Variants in PTPRD observed in about 807,000 individuals in gnomAD.
PTPRD encodes the protein protein tyrosine phosphatase receptor type D.
A neutral mutation model predicts 214.5 loss-of-function variants in PTPRD; 34 were observed. That is an observed-to-expected ratio of 0.16 (90% CI 0.12 to 0.21). The LOEUF is 0.21. PTPRD is among the 10% of genes least tolerant of loss of function. PTPRD has a pLI of 1.00. For synonymous variants in PTPRD, 1,128 were observed against 845.7 expected (o/e 1.33, Z -5.79); for missense variants, 2,545 against 2,398.7 (o/e 1.06, Z -1.27).
At chr9:9,806,447 C>T (rs145294888) in intron 5 of PTPRD, among the ~76,000 whole-genome samples, 3 of 151,934 alleles carry the variant, frequency 2.0e-5, no homozygotes, top group African/African-American at 4.8e-5. Flanking sequence ...CATTCCTCCC[C>T]GCTCTTGTGA....
chr9:9,593,078 A>G (rs2092907283), intron 7 of PTPRD, among the ~76,000 whole-genome samples: 1 of 151,510 alleles, frequency 6.6e-6, no homozygotes, highest in African/African-American at 2.4e-5. Context: ...GAAAAAAAGA[A>G]AGAGAGAGAG....
At chr9:10,093,407 C>G (rs1049296935) in intron 3 of PTPRD, among the ~76,000 whole-genome samples, 7 of 151,382 alleles carry the variant, frequency 4.6e-5, no homozygotes, top group Non-Finnish European at 8.9e-5. Context: ...GTTTCTTATA[C>G]TACCAGTCAG....
intron 2 of PTPRD, among the ~76,000 whole-genome samples, chr9:10,610,406 G>A (rs115936620): frequency 6.6e-6 from 1 of 152,238 alleles, no homozygotes; most frequent in African/African-American, 2.4e-5. Flanking sequence ...CTTCTCTACT[G>A]TGTAAAATAT....
At chr9:10,434,087 C>A (rs952321223) in intron 2 of PTPRD, among the ~76,000 whole-genome samples, 1 of 151,826 alleles carries the variant, frequency 6.6e-6, no homozygotes, top group Non-Finnish European at 1.5e-5. Context: ...CATCTTAATG[C>A]CCTTGACTAC....
At chr9:10,590,560 G>C (rs1281289166) in intron 2 of PTPRD, among the ~76,000 whole-genome samples, 1 of 151,832 alleles carries the variant, frequency 6.6e-6, no homozygotes, top group Non-Finnish European at 1.5e-5. Flanking sequence ...ATTAATAAAA[G>C]CATACTGTAT....
chr9:8,409,967 A>G (rs1000352266), intron 35 of PTPRD, among the ~76,000 whole-genome samples: 101 of 152,316 alleles, frequency 6.6e-4, no homozygotes, highest in African/African-American at 2.4e-3. Flanking sequence ...TCTCCCCTTC[A>G]GTAGGCTCAT....
chr9:9,127,490 G>C (rs368033492), intron 10 of PTPRD, among the ~76,000 whole-genome samples: 7 of 152,292 alleles, frequency 4.6e-5, no homozygotes, highest in African/African-American at 1.7e-4. Flanking sequence ...GACAGAAGGG[G>C]TCCTTAGGCA....
chr9:9,135,996 CAT>C (rs2099850241), intron 10 of PTPRD, among the ~76,000 whole-genome samples: 3 of 152,114 alleles, frequency 2.0e-5, no homozygotes, highest in Admixed American at 2.0e-4. Context: ...TATACATGCA[CAT>C]GTGTTCATGC....
chr9:8,515,628 G>A (rs180989176), intron 21 of PTPRD, among the ~76,000 whole-genome samples: 1 of 152,292 alleles, frequency 6.6e-6, no homozygotes, highest in East Asian at 1.9e-4. Flanking sequence ...AGAACATAAT[G>A]TAAAGATGAA....
At chr9:10,185,321 T>A (rs556352397) in intron 3 of PTPRD, among the ~76,000 whole-genome samples, 1 of 152,300 alleles carries the variant, frequency 6.6e-6, no homozygotes, top group South Asian at 2.1e-4. Flanking sequence ...TGTGAAGCAA[T>A]AATTTCGATG....
intron 3 of PTPRD, among the ~76,000 whole-genome samples, chr9:10,090,506 C>G (rs985137831): frequency 1.3e-5 from 2 of 150,938 alleles, no homozygotes; most frequent in Non-Finnish European, 3.0e-5. Flanking sequence ...ATTTTAACAA[C>G]TTTATTTTGG....
chr9:8,377,943 GC>G, intron 37 of PTPRD, among the ~76,000 whole-genome samples: 1 of 152,096 alleles, frequency 6.6e-6, no homozygotes, highest in African/African-American at 2.4e-5. Context: ...GAAACTATTG[GC>G]CCTTCTAAGA....
At chr9:8,448,542 T>G (rs1255153015) in intron 34 of PTPRD, among the ~76,000 whole-genome samples, 1 of 152,162 alleles carries the variant, frequency 6.6e-6, no homozygotes, top group Non-Finnish European at 1.5e-5. Flanking sequence ...GACACAAGTT[T>G]GTTCAATCAT....
chr9:9,637,799 T>A (rs75994761), intron 7 of PTPRD, among the ~76,000 whole-genome samples: 2,547 of 152,266 alleles, frequency 0.017, 64 homozygotes, highest in African/African-American at 0.058. Flanking sequence ...GGCATTGCCC[T>A]AGTGGGGCAC....
At chr9:9,641,112 T>A (rs1254201997) in intron 7 of PTPRD, among the ~76,000 whole-genome samples, 2 of 93,558 alleles carry the variant, frequency 2.1e-5, no homozygotes, top group Non-Finnish European at 6.1e-5. Context: ...ATGGAAAAAT[T>A]CAATGGGGCA....
intron 11 of PTPRD, among the ~76,000 whole-genome samples, chr9:9,006,134 CT>C (rs1213191761): frequency 1.3e-5 from 2 of 151,874 alleles, no homozygotes; most frequent in Admixed American, 6.6e-5. Flanking sequence ...TTGAAGACTT[CT>C]TTCACTTTTG....
chr9:8,408,253 G>A (rs560644455), intron 35 of PTPRD, among the ~76,000 whole-genome samples: 1 of 152,224 alleles, frequency 6.6e-6, no homozygotes, highest in Admixed American at 6.5e-5. Flanking sequence ...GCTAAGCTGA[G>A]GTTACCCAAA....
At chr9:9,342,225 C>A (rs760624209) in intron 9 of PTPRD, among the ~76,000 whole-genome samples, 1 of 152,156 alleles carries the variant, frequency 6.6e-6, no homozygotes, top group East Asian at 1.9e-4. Flanking sequence ...TCAAGCAATA[C>A]TGTCATGCTT....
intron 3 of PTPRD, among the ~76,000 whole-genome samples, chr9:10,259,810 A>T (rs185839398): frequency 1.3e-5 from 2 of 152,274 alleles, no homozygotes; most frequent in African/African-American, 4.8e-5. Context: ...GCACACACTC[A>T]GGTCTTGATT....
Sources: gnomAD v4.1 joint callset for allele counts (sites outside exome capture counted in the v4.1 genomes callset) on GRCh38, gnomAD v4.1.1 for gene constraint, MANE v1.5 for transcripts, NCBI Gene and HGNC (gene_info 2026-07-23, HGNC 2026-07-21) for gene names.